Variants in FMN1 observed in about 807,000 individuals in gnomAD.
FMN1 encodes formin-1.
FMN1 carries 110 observed loss-of-function variants against 132.4 expected under a neutral mutation model. The ratio of observed to expected loss-of-function variants is 0.83; its 90% CI spans 0.71 to 0.97. The LOEUF (loss-of-function observed/expected upper bound fraction) is 0.97, where lower values mean the gene tolerates loss of function less well. Ranked by LOEUF, FMN1 falls within the 50% of genes least tolerant of loss-of-function variation. FMN1 has a pLI of 0.00. For synonymous variants in FMN1, 722 were observed against 651.7 expected (o/e 1.11, Z -1.64); for missense variants, 1,792 against 1,705.3 (o/e 1.05, Z -0.90).
chr15:33,013,220 G>A (rs192737876), intron 6 of FMN1, among the ~76,000 whole-genome samples: 91 of 152,306 alleles, frequency 6.0e-4, no homozygotes, highest in Non-Finnish European at 8.5e-4. Flanking sequence ...CAATACTCCC[G>A]TGTATGGGCA....
At chr15:32,856,299 T>G (rs1241441492) in intron 17 of FMN1, among the ~76,000 whole-genome samples, 1 of 152,222 alleles carries the variant, frequency 6.6e-6, no homozygotes, top group East Asian at 1.9e-4. Flanking sequence ...CCCACACTTA[T>G]TTTTGTTTTA....
chr15:32,878,204 C>T (rs531175561), intron 16 of FMN1, among the ~76,000 whole-genome samples: 4 of 152,116 alleles, frequency 2.6e-5, no homozygotes, highest in South Asian at 4.1e-4. Context: ...ACAAGTACAT[C>T]GTGTTGGAAC....
At position 32,869,123 on chromosome 15, in the gene FMN1, G is replaced by A; in HGVS notation, c.3836-12016C>T. Among the ~76,000 whole-genome samples the A allele has an allele frequency of 1.3e-5, 2 of 152,194 alleles. 1 individual carries two copies. The highest frequency in any genetic ancestry group is 2.9e-5 in the Non-Finnish European group (2 of 68,034). On this transcript the variant is annotated intron_variant, in intron 16 of 20. Coordinates refer to ENST00000616417, the MANE Select transcript of FMN1 (RefSeq NM_001277313.2). Reference sequence around the variant, plus strand: ...AATGTCATGAATAAAAGTAATACATGATGAGAACGCACGGGCCATTTGAAT... The same window carrying A: ...AATGTCATGAATAAAAGTAATACATAATGAGAACGCACGGGCCATTTGAAT...
At chr15:33,125,292 G>A (rs1962946723) in intron 4 of FMN1, among the ~76,000 whole-genome samples, 1 of 152,112 alleles carries the variant, frequency 6.6e-6, no homozygotes, top group African/African-American at 2.4e-5. Flanking sequence ...TACATAGAAA[G>A]CTTCTGATGC....
In FMN1 at chr15:32,768,747, AAGG is replaced by A. The variant is rs1595874023; in HGVS notation, c.*5560_*5562del. 2 of 151,958 alleles carry A rather than the reference AAGG, an allele frequency of 1.3e-5. No individual in the cohort carries two copies. Among genetic ancestry groups the A allele is most frequent in the Non-Finnish European group, 2.9e-5 (2 of 68,006 alleles). The allele number at this position is 151,958 out of a possible 1,614,324, so 9.4% of individuals were successfully genotyped here. ...AGTGTAGTTGGATCAGCCTTTAGAA[AAGG>A]AGACTAGAGATTCTCAGTATATTTA... On this transcript the variant is annotated 3_prime_UTR_variant, in exon 21 of 21. Coordinates refer to ENST00000616417, the MANE Select transcript of FMN1 (RefSeq NM_001277313.2).
chr15:32,964,059 T>A, intron 9 of FMN1, 48 bp downstream of exon 9: 1 of 1,051,952 alleles, frequency 9.5e-7, no homozygotes, highest in Non-Finnish European at 1.4e-6. Flanking sequence ...ATATATACCA[T>A]TTCCCTGTAT....
chr15:33,074,115 C>T (rs1044553524), intron 5 of FMN1, among the ~76,000 whole-genome samples: 1 of 152,162 alleles, frequency 6.6e-6, no homozygotes, highest in Admixed American at 6.5e-5. Flanking sequence ...TGCTCAAGTG[C>T]AGCACCCAGA....
chr15:33,128,607 G>A (rs927728772), intron 4 of FMN1, among the ~76,000 whole-genome samples: 4 of 152,274 alleles, frequency 2.6e-5, no homozygotes, highest in East Asian at 1.9e-4. Context: ...AAACATACCC[G>A]CGGACCTTTG....
chr15:33,058,036 C>CGGGCTGGTGGTGGAAAGGTGTGGCG (rs2037308105), intron 6 of FMN1, among the ~76,000 whole-genome samples: 1 of 146,662 alleles, frequency 6.8e-6, no homozygotes, highest in African/African-American at 2.5e-5. Context: ...AAAGGCGTGG[C>CGGGCTGGTGGTGGAAAGGTGTGGCG]GGGCTGGTGG....
chr15:32,886,246 C>A (rs2059894711), intron 16 of FMN1, among the ~76,000 whole-genome samples: 1 of 152,066 alleles, frequency 6.6e-6, no homozygotes, highest in African/African-American at 2.4e-5. Context: ...TTTAAATATT[C>A]CATGTGTGTG....
chr15:32,964,684 G>A (rs997271695), intron 8 of FMN1, among the ~76,000 whole-genome samples: 1 of 152,178 alleles, frequency 6.6e-6, no homozygotes, highest in African/African-American at 2.4e-5. Flanking sequence ...ACTGAAAATG[G>A]AGTACCGAAG....
chr15:32,926,273 A>G lies in FMN1; in HGVS notation c.3139-12T>C, dbSNP rs2140353257. On this transcript the variant is annotated splice_polypyrimidine_tract_variant and intron_variant, in intron 9 of 20. Transcript: ENST00000616417. ...AACAATTTGATGATCTAAAATTAGA[A>G]AAAAAAAAAAAAGAATACAAGCTCA... is the stretch of plus-strand genomic sequence containing the variant. 8 of 1,195,468 alleles carry G rather than the reference A, an allele frequency of 6.7e-6. No homozygotes were observed. The Admixed American group carries it at 1.3e-4, about 19-fold the overall frequency. The allele number at this position is 1,195,468 out of a possible 1,614,324, so 74.1% of individuals were successfully genotyped here. A position where few individuals can be genotyped will look rare whatever the true frequency, so the allele number is the denominator to read the frequency against.
intron 17 of FMN1, among the ~76,000 whole-genome samples, chr15:32,817,161 A>C (rs1339287181): frequency 5.9e-5 from 9 of 152,210 alleles, no homozygotes; most frequent in South Asian, 2.1e-4. Flanking sequence ...AAATAGCTGA[A>C]GCTCTCCCTC....
chr15:32,790,613 A>G (rs12910826), intron 19 of FMN1, among the ~76,000 whole-genome samples: 1 of 152,152 alleles, frequency 6.6e-6, no homozygotes, highest in African/African-American at 2.4e-5. Context: ...GGAGCTGCTG[A>G]TCTCTAACAC....
At chr15:32,820,873 T>G (rs61655076) in intron 17 of FMN1, among the ~76,000 whole-genome samples, 1 of 152,146 alleles carries the variant, frequency 6.6e-6, no homozygotes, top group Non-Finnish European at 1.5e-5. Flanking sequence ...TTATCATTTT[T>G]AAATTTAAAT....
At position 33,033,083 on chromosome 15, in the gene FMN1, T is replaced by G. The variant is rs983444108; in HGVS notation, c.2162-25008A>C. ...TCTCGCTCTGTCGCCCAGGATGGAGTGCAGTGGTACGATCTCGGCTCACTG... is the reference window on the plus strand; with the variant it reads ...TCTCGCTCTGTCGCCCAGGATGGAGGGCAGTGGTACGATCTCGGCTCACTG... On this transcript the variant is annotated intron_variant, in intron 6 of 20. Coordinates refer to ENST00000616417, the MANE Select transcript of FMN1 (RefSeq NM_001277313.2). Among the ~76,000 whole-genome samples, 6 of 152,148 alleles carry G rather than the reference T, an allele frequency of 3.9e-5. No individual in the cohort carries two copies. In the East Asian group the frequency reaches 1.2e-3, roughly 29 times the overall value.
chr15:33,185,862 G>A (rs1049148813), intron 2 of FMN1, among the ~76,000 whole-genome samples: 2 of 152,078 alleles, frequency 1.3e-5, no homozygotes, highest in African/African-American at 2.4e-5. Context: ...ATGAGCCCCT[G>A]TGCCTAGTCA....
chr15:33,098,905 C>A (rs1215151873), intron 4 of FMN1, among the ~76,000 whole-genome samples: 1 of 152,194 alleles, frequency 6.6e-6, no homozygotes, highest in Non-Finnish European at 1.5e-5. Flanking sequence ...CGGAAGCTCA[C>A]AAGCCCATGC....
chr15:32,872,692 C>T (rs968998975), intron 16 of FMN1, among the ~76,000 whole-genome samples: 1 of 152,230 alleles, frequency 6.6e-6, no homozygotes, highest in African/African-American at 2.4e-5. Context: ...CAACAGCTGG[C>T]TACAAAGAGG....
Sources: allele counts gnomAD v4.1 joint callset (sites outside exome capture counted in the v4.1 genomes callset), GRCh38; gene constraint gnomAD v4.1.1; transcripts MANE v1.5; gene names NCBI Gene and HGNC (gene_info 2026-07-23, HGNC 2026-07-21).